VCAN: variants seen among roughly 807,000 people sequenced by gnomAD.
VCAN encodes versican.
VCAN carries 44 observed loss-of-function variants against 245.5 expected under a neutral mutation model. The observed-to-expected ratio is 0.18, with a 90% confidence interval of 0.14 to 0.23. VCAN has a LOEUF of 0.23. VCAN is among the 10% of genes least tolerant of loss of function. VCAN has a pLI of 1.00. For synonymous variants in VCAN, 1,413 were observed against 1,437.0 expected (o/e 0.98, Z 0.38); for missense variants, 3,793 against 4,057.9 (o/e 0.93, Z 1.77).
intron 7 of VCAN, chr5:83,536,442 A>G (rs1285024257): frequency 6.6e-6 from 1 of 152,190 alleles, no homozygotes; most frequent in Non-Finnish European, 1.5e-5. Context: ...TTTCCATAAA[A>G]CAGTCTGCTC....
At position 83,512,411 on chromosome 5, in the gene VCAN, C is replaced by A. The variant is rs1745696354; in HGVS notation, c.1042+15C>A. 3 of 1,610,978 alleles carry A rather than the reference C, an allele frequency of 1.9e-6. No individual in the cohort carries two copies. The highest frequency in any genetic ancestry group is 2.2e-5 in the South Asian group (2 of 90,706). On this transcript the variant is annotated intron_variant, in intron 6 of 14. Coordinates refer to ENST00000265077, the MANE Select transcript of VCAN (RefSeq NM_004385.5). ...CTGCTTTAAACGTAAGTGTTTGATA[C>A]CTTTTTAAAAATTACAGTTTTAAAA... is the stretch of plus-strand genomic sequence containing the variant.
chr5:83,576,069 A>G (rs1002435483), intron 13 of VCAN, among the ~76,000 whole-genome samples: 1 of 152,246 alleles, frequency 6.6e-6, no homozygotes, highest in African/African-American at 2.4e-5. Context: ...ACTATTACAT[A>G]CTTGTAACGA....
chr5:83,497,305 A>G (rs2112364705), intron 5 of VCAN, among the ~76,000 whole-genome samples: 1 of 152,280 alleles, frequency 6.6e-6, no homozygotes, highest in South Asian at 2.1e-4. Flanking sequence ...TTATAATGTC[A>G]TATCTTCCTG....
At chr5:83,479,315 A>G (rs549619334) in intron 1 of VCAN, among the ~76,000 whole-genome samples, 129 of 152,078 alleles carry the variant, frequency 8.5e-4, no homozygotes, top group African/African-American at 3.0e-3. Context: ...GGAGAATACT[A>G]AATATCTATT....
At position 83,490,133 on chromosome 5, in the gene VCAN, C is replaced by G. The variant is rs777022702; in HGVS notation, c.106C>G (p.Leu36Val). 6.2e-7 allele frequency: 1 copy of G among 1,614,146 alleles called. No homozygotes were observed. Among genetic ancestry groups the G allele is most frequent in the Non-Finnish European group, 8.5e-7 (1 of 1,180,024 alleles). ...VGKSPPVRGS[L>V]SGKVSLPCHF... The stretch of plus-strand genomic sequence containing the variant: ...AAAAAGCCCACCGGTGAGGGGCTCC[C>G]TCTCTGGAAAAGTCAGCCTACCTTG... The change falls in exon 3 of 15, where the codon CTC becomes GTC. Residue 36 changes from leucine (L) to valine (V), a missense_variant. Physicochemically the swap from Leu to Val is conservative, Grantham distance 32 (BLOSUM62 1). Coordinates refer to ENST00000265077, the MANE Select transcript of VCAN (RefSeq NM_004385.5).
chr5:83,528,157 C>T (rs1260538397), intron 7 of VCAN, among the ~76,000 whole-genome samples: 1 of 152,176 alleles, frequency 6.6e-6, no homozygotes, highest in Non-Finnish European at 1.5e-5. Context: ...TCATACTAAA[C>T]ATATAGTTAC....
intron 2 of VCAN, among the ~76,000 whole-genome samples, chr5:83,484,942 A>G (rs1326031199): frequency 6.6e-6 from 1 of 152,200 alleles, no homozygotes; most frequent in Non-Finnish European, 1.5e-5. Flanking sequence ...CAGAAAGGTC[A>G]CTATAGTTGG....
chr5:83,477,874 T>C (rs979081442), intron 1 of VCAN, among the ~76,000 whole-genome samples: 1 of 151,512 alleles, frequency 6.6e-6, no homozygotes, highest in African/African-American at 2.4e-5. Context: ...ATTAAATAAA[T>C]AGTAATTAAA....
intron 5 of VCAN, among the ~76,000 whole-genome samples, chr5:83,496,723 G>A (rs1745170632): frequency 6.6e-6 from 1 of 152,176 alleles, no homozygotes; most frequent in African/African-American, 2.4e-5. Flanking sequence ...AGGAATGGGG[G>A]TGAAAGGTAA....
chr5:83,564,283 T>G (rs1747993448), intron 12 of VCAN, among the ~76,000 whole-genome samples: 2 of 152,200 alleles, frequency 1.3e-5, no homozygotes, highest in African/African-American at 4.8e-5. Context: ...TAGCCGTTAA[T>G]TCATAATGTA....
intron 5 of VCAN, 129 bp from the exon 6 acceptor site, chr5:83,511,974 A>G (rs1199618830): frequency 1.3e-5 from 15 of 1,154,812 alleles, no homozygotes; most frequent in Non-Finnish European, 1.7e-5. Flanking sequence ...GCTTTAAAGT[A>G]TCAGAAGCTG....
At chr5:83,555,179 G>A (rs1006699735) in intron 12 of VCAN, 141 bp downstream of exon 12, 1 of 802,824 alleles carries the variant, frequency 1.2e-6, no homozygotes, top group Admixed American at 2.0e-5. Context: ...ACAGAGAAGG[G>A]TTAGAAGAGT....
chr5:83,486,263 T>C (rs1464762097), intron 2 of VCAN, among the ~76,000 whole-genome samples: 1 of 152,228 alleles, frequency 6.6e-6, no homozygotes, highest in East Asian at 1.9e-4. Flanking sequence ...AGTAGGCTAC[T>C]ATAAGCTGCA....
intron 7 of VCAN, among the ~76,000 whole-genome samples, chr5:83,524,953 T>G (rs1413459725): frequency 6.6e-6 from 1 of 152,062 alleles, no homozygotes; most frequent in Non-Finnish European, 1.5e-5. Flanking sequence ...TTATATATAC[T>G]GTATATCCAA....
chr5:83,530,550 T>C (rs927752559), intron 7 of VCAN, among the ~76,000 whole-genome samples: 9 of 152,138 alleles, frequency 5.9e-5, no homozygotes, highest in Admixed American at 4.6e-4. Context: ...AAAGAAATGC[T>C]GGCTGAGGTT....
chr5:83,476,725 C>T (rs1157216957), intron 1 of VCAN, among the ~76,000 whole-genome samples: 2 of 151,930 alleles, frequency 1.3e-5, no homozygotes, highest in Non-Finnish European at 2.9e-5. Context: ...GGTTTTTAAA[C>T]ACTGCTAAGT....
Position 83,541,688 on chromosome 5 carries a change from C to T in VCAN, c.8685C>T (p.Asp2895=), listed in dbSNP as rs1036906545. The T allele has an allele frequency of 1.9e-6, 3 of 1,613,890 alleles. No homozygotes were observed. The highest frequency in any genetic ancestry group is 2.5e-6 in the Non-Finnish European group (3 of 1,179,992). The change falls in exon 8 of 15, where the codon GAC becomes GAT. Residue 2895 remains aspartate, a synonymous_variant. Transcript: ENST00000265077. ...HITEPPSLSP[D]TKLEPSEDDG... ...CTGAGCCTCCCTCTTTATCTCCTGA[C>T]ACAAAATTAGAACCTTCAGAAGATG...
intron 7 of VCAN, among the ~76,000 whole-genome samples, chr5:83,527,557 T>C (rs979979480): frequency 1.3e-5 from 2 of 152,220 alleles, no homozygotes; most frequent in African/African-American, 4.8e-5. Context: ...TAAACGAACT[T>C]AATGATTCTA....
intron 5 of VCAN, among the ~76,000 whole-genome samples, chr5:83,499,914 A>T (rs979125934): frequency 2.0e-5 from 3 of 152,182 alleles, no homozygotes; most frequent in Admixed American, 2.0e-4. Flanking sequence ...GCTCCTTTAG[A>T]TATGAAAATC....
Sources: gnomAD v4.1 joint callset for allele counts (sites outside exome capture counted in the v4.1 genomes callset) on GRCh38, gnomAD v4.1.1 for gene constraint, MANE v1.5 for transcripts, NCBI Gene and HGNC (gene_info 2026-07-23, HGNC 2026-07-21) for gene names.